GALK2: variants seen among roughly 807,000 people sequenced by gnomAD.
GALK2 encodes N-acetylgalactosamine kinase.
In GALK2, 36 loss-of-function variants were observed where a neutral mutation model predicts 52.4. That is an observed-to-expected ratio of 0.69 (90% CI 0.53 to 0.91). GALK2 has a LOEUF of 0.91. Among genes scored for constraint, GALK2 ranks in the 40% least tolerant of loss-of-function variants. GALK2 has a pLI of 0.00. For missense variants in GALK2, 579 were observed against 559.1 expected, an observed-to-expected ratio of 1.04 and a Z score of -0.36; for synonymous variants, 176 against 199.1, an observed-to-expected ratio of 0.88 and a Z score of 0.98.
chr15:49,270,849 A>G (rs16962244), intron 5 of GALK2, among the ~76,000 whole-genome samples: 9,188 of 152,204 alleles, frequency 0.06, 562 homozygotes, highest in African/African-American at 0.15. Context: ...AGGGAAAGAA[A>G]TAGTAACTAG....
chr15:49,300,226 T>C (rs569364599), intron 8 of GALK2, among the ~76,000 whole-genome samples: 19 of 152,170 alleles, frequency 1.2e-4, no homozygotes, highest in African/African-American at 4.3e-4. Context: ...TTGTTAGCTT[T>C]AAATCTGTTT....
intron 1 of GALK2, among the ~76,000 whole-genome samples, chr15:49,176,968 AC>A (rs1379190076): frequency 1.3e-5 from 2 of 152,140 alleles, no homozygotes; most frequent in Non-Finnish European, 2.9e-5. Flanking sequence ...GTTTCTGACA[AC>A]TTTTCTATTT....
At chr15:49,347,427 C>T (rs1468372822) in intron 3 of GALK2, among the ~76,000 whole-genome samples, 1 of 152,168 alleles carries the variant, frequency 6.6e-6, no homozygotes, top group Admixed American at 6.5e-5. Context: ...TCTACTATAG[C>T]ATTCTATGTA....
intron 3 of GALK2, among the ~76,000 whole-genome samples, chr15:49,337,739 A>C (rs1196813225): frequency 6.7e-6 from 1 of 150,158 alleles, no homozygotes; most frequent in Non-Finnish European, 1.5e-5. Context: ...CTCATTGTTC[A>C]ATTCCCACTT....
intron 3 of GALK2, chr15:49,225,282 TA>T: frequency 2.2e-6 from 1 of 455,146 alleles, no homozygotes; most frequent in Non-Finnish European, 4.4e-6. Flanking sequence ...ACTGGTCCTG[TA>T]GAGCAGGGTT....
At chr15:49,240,909 G>A (rs765611654) in intron 5 of GALK2, among the ~76,000 whole-genome samples, 4 of 152,154 alleles carry the variant, frequency 2.6e-5, no homozygotes, top group Non-Finnish European at 5.9e-5. Flanking sequence ...ATATTACAAA[G>A]TCTGCATTTC....
rs1421250636 is a variant in GALK2 at position 49,268,943 on chromosome 15, ACAT to A, written c.505-13039_505-13037del. 1.1e-4 allele frequency among the ~76,000 whole-genome samples: 17 copies of A among 152,326 alleles called. No individual in the cohort carries two copies. The East Asian group carries it at 2.9e-3, about 26-fold the overall frequency. ...TTACATCCAAGATAGTGATTATGCA[ACAT>A]CATCTGCAATATTGTTTCTATTTTT... On this transcript the variant is annotated intron_variant, in intron 5 of 9. Transcript: ENST00000560031.
At chr15:49,309,926 T>C (rs1418674106) in intron 8 of GALK2, among the ~76,000 whole-genome samples, 1 of 152,212 alleles carries the variant, frequency 6.6e-6, no homozygotes, top group African/African-American at 2.4e-5. Context: ...TTTTTGAACA[T>C]GTATAATAAA....
chr15:49,280,004 T>C (rs2032456597), intron 5 of GALK2, among the ~76,000 whole-genome samples: 1 of 152,228 alleles, frequency 6.6e-6, no homozygotes, highest in South Asian at 2.1e-4. Context: ...ATCTGTCAGA[T>C]GGTGTTTGGG....
intron 8 of GALK2, among the ~76,000 whole-genome samples, chr15:49,293,897 C>T (rs1371110334): frequency 1.3e-5 from 2 of 151,750 alleles, no homozygotes; most frequent in Admixed American, 6.6e-5. Flanking sequence ...GCCAGGAGTT[C>T]GAGACCAGCC....
chr15:49,353,103 G>A (rs2042492725), intron 3 of GALK2, among the ~76,000 whole-genome samples: 1 of 152,164 alleles, frequency 6.6e-6, no homozygotes, highest in Non-Finnish European at 1.5e-5. Context: ...CATCATTTCA[G>A]GGAAAAATGG....
chr15:49,264,001 C>G (rs1261456498), intron 5 of GALK2, among the ~76,000 whole-genome samples: 2 of 151,950 alleles, frequency 1.3e-5, no homozygotes, highest in Non-Finnish European at 2.9e-5. Context: ...CTGTCCTTAA[C>G]ATTTTTTCCT....
At chr15:49,215,852 G>A (rs1324585450) in intron 2 of GALK2, among the ~76,000 whole-genome samples, 1 of 151,986 alleles carries the variant, frequency 6.6e-6, no homozygotes, top group Non-Finnish European at 1.5e-5. Context: ...GTGTAGTCTG[G>A]GCTTGTTTGT....
intron 5 of GALK2, among the ~76,000 whole-genome samples, chr15:49,265,710 C>A (rs553914887): frequency 1.1e-4 from 16 of 152,224 alleles, no homozygotes; most frequent in Non-Finnish European, 2.1e-4. Flanking sequence ...ATTCGGCCAT[C>A]TTTGCTCCTG....
At chr15:49,277,165 T>A (rs2031897492) in intron 5 of GALK2, among the ~76,000 whole-genome samples, 7 of 24,968 alleles carry the variant, frequency 2.8e-4, no homozygotes, top group African/African-American at 5.5e-4. Flanking sequence ...TTTTTTTTTT[T>A]TTTTTTTTTT....
intron 6 of GALK2, 102 bp from the exon 7 acceptor site, chr15:49,283,464 G>T: frequency 1.0e-6 from 1 of 982,404 alleles, no homozygotes; most frequent in Middle Eastern, 3.1e-4. Flanking sequence ...TTGAATGAAT[G>T]AATGCATTTT....
chr15:49,253,604 A>G (rs375167772), intron 5 of GALK2, among the ~76,000 whole-genome samples: 1 of 144,060 alleles, frequency 6.9e-6, no homozygotes, highest in East Asian at 1.9e-4. Context: ...GCACTTGGAA[A>G]GTTTCAAAGA....
At chr15:49,162,119 G>C (rs2084672476) in intron 1 of GALK2, among the ~76,000 whole-genome samples, 2 of 152,142 alleles carry the variant, frequency 1.3e-5, no homozygotes, top group Non-Finnish European at 2.9e-5. Context: ...TTTCCTCTCA[G>C]ATTCCTTGCA....
At chr15:49,195,229 G>C (rs1039194566) in intron 1 of GALK2, 2 of 366,452 alleles carry the variant, frequency 5.5e-6, no homozygotes, top group Non-Finnish European at 1.1e-5. Flanking sequence ...GTGCCACCAT[G>C]CTGGGCTAAT....
Sources: gnomAD v4.1 joint callset for allele counts (sites outside exome capture counted in the v4.1 genomes callset) on GRCh38, gnomAD v4.1.1 for gene constraint, MANE v1.5 for transcripts, NCBI Gene and HGNC (gene_info 2026-07-23, HGNC 2026-07-21) for gene names.